The following ZNF233 variants were observed in gnomAD, a reference collection of about 807,000 sequenced individuals.
The protein encoded by ZNF233 is zinc finger protein 233.
In ZNF233, 7 loss-of-function variants were observed where a neutral mutation model predicts 11.6. The observed-to-expected ratio is 0.60, with a 90% confidence interval of 0.34 to 1.13. The LOEUF (loss-of-function observed/expected upper bound fraction) is 1.13. ZNF233 is among the 50% of genes most tolerant of loss of function. ZNF233 has a pLI of 0.03. For synonymous variants in ZNF233, 226 were observed against 268.5 expected (o/e 0.84, Z 1.55); for missense variants, 711 against 785.5 (o/e 0.91, Z 1.13).
rs1209709694 is a variant in ZNF233 at position 44,259,887 on chromosome 19, T to G, written c.-99T>G. Reference sequence around the variant, plus strand: ...TAGTGCAGAAGCCGTTGCAACCTTGTGTACTTCCGCTGCAGGAGGGCGAAG... The same window carrying G: ...TAGTGCAGAAGCCGTTGCAACCTTGGGTACTTCCGCTGCAGGAGGGCGAAG... On this transcript the variant is annotated 5_prime_UTR_variant, in exon 1 of 5. Coordinates refer to ENST00000683810, the MANE Select transcript of ZNF233 (RefSeq NM_001207005.2). 6.6e-6 allele frequency: 3 copies of G among 456,110 alleles called. No individual in the cohort carries two copies. Among genetic ancestry groups the G allele is most frequent in the Admixed American group, 4.7e-5 (2 of 42,516 alleles). The allele number at this position is 456,110 out of a possible 1,614,324, so 28.3% of individuals were successfully genotyped here.
intron 4 of ZNF233, 89 bp from the exon 5 acceptor site, chr19:44,272,810 A>G (rs1447923429): frequency 2.2e-6 from 2 of 899,978 alleles, no homozygotes; most frequent in Admixed American, 5.0e-5. Flanking sequence ...AGGTTTCCCA[A>G]TGTGGTCAAC....
In ZNF233 at chr19:44,266,946, G is replaced by A. The variant is rs770760580; in HGVS notation, c.223G>A (p.Gly75Arg). ...KLRMMETEIQGDGCSGHKNQN... is the reference protein window; with the variant it reads ...KLRMMETEIQRDGCSGHKNQN... ...TCGGATGATGGAGACAGAAATCCAAGGAGATGGGTGTTCAGGTGAGAACCA... is the reference window on the plus strand; with the variant it reads ...TCGGATGATGGAGACAGAAATCCAAAGAGATGGGTGTTCAGGTGAGAACCA... The change falls in exon 4 of 5, where the codon GGA becomes AGA. Residue 75 changes from glycine to arginine, a missense_variant. Gly to Arg is a moderately radical substitution (Grantham distance 125). Transcript: ENST00000683810. 8.7e-6 allele frequency: 14 copies of A among 1,613,626 alleles called. No homozygotes were observed. Among genetic ancestry groups the A allele is most frequent in the Middle Eastern group, 1.6e-4 (1 of 6,084 alleles).
At chr19:44,270,361 A>G (rs1975205225) in intron 4 of ZNF233, among the ~76,000 whole-genome samples, 2 of 150,718 alleles carry the variant, frequency 1.3e-5, no homozygotes, top group Admixed American at 1.3e-4. Context: ...AAAAAAAAAA[A>G]AAAAAAAAAA....
intron 4 of ZNF233, among the ~76,000 whole-genome samples, chr19:44,271,762 G>A (rs549068104): frequency 6.6e-6 from 1 of 151,780 alleles, no homozygotes; most frequent in African/African-American, 2.4e-5. Context: ...CACCTGCCTC[G>A]GCCTTCCAAA....
chr19:44,273,577 G>T lies in ZNF233; in HGVS notation c.917G>T (p.Cys306Phe), dbSNP rs904927670. 6.2e-7 allele frequency: 1 copy of T among 1,614,198 alleles called. No homozygotes were observed. Among genetic ancestry groups the T allele is most frequent in the African/African-American group, 1.3e-5 (1 of 75,046 alleles). ...AGCTCAGGGCTTCCCAGGCATCAGT[G>T]TTTCCACATAGGAGAGAAATGCTAT... ...GYSSGLPRHQ[C>F]FHIGEKCYRN... Residue 306 changes from cysteine (C) to phenylalanine (F), a missense_variant, in exon 5 of 5, where the codon TGT becomes TTT. By Grantham distance (205) the Cys-to-Phe change is radical. Coordinates refer to ENST00000683810, the MANE Select transcript of ZNF233 (RefSeq NM_001207005.2).
At chr19:44,270,145 G>A (rs1975198011) in intron 4 of ZNF233, among the ~76,000 whole-genome samples, 1 of 152,044 alleles carries the variant, frequency 6.6e-6, no homozygotes, top group South Asian at 2.1e-4. Context: ...CTGATGTTAT[G>A]TTCAGCCTAC....
In ZNF233 at chr19:44,274,017, A is replaced by T. The variant is rs1415484479; in HGVS notation, c.1357A>T (p.Lys453Ter). The change falls in exon 5 of 5, where the codon AAA becomes TAA. Residue 453 changes from lysine (K) to a stop codon, truncating the protein, a stop_gained. Coordinates refer to ENST00000683810, the MANE Select transcript of ZNF233 (RefSeq NM_001207005.2). LOFTEE classifies it low-confidence loss of function (END_TRUNC). ...AGTTCACACTGGAGAGAAACCATAT[A>T]AATGTGAGGTATGTGATAAGGGCTT... ...QRVHTGEKPYKCEVCDKGFSK... is the reference protein window; with the variant it reads ...QRVHTGEKPY The T allele has an allele frequency of 2.5e-6, 4 of 1,597,776 alleles. No individual in the cohort carries two copies. Among genetic ancestry groups the T allele is most frequent in the Non-Finnish European group, 3.4e-6 (4 of 1,179,400 alleles).
intron 1 of ZNF233, 74 bp downstream of exon 1, chr19:44,260,012 C>G (rs915609311): frequency 2.4e-6 from 1 of 425,328 alleles, no homozygotes; most frequent in African/African-American, 2.1e-5. Context: ...GGTGCCTGCC[C>G]TCGCTCTCAG....
chr19:44,268,167 CA>C (rs1271493668), intron 4 of ZNF233: 1 of 152,034 alleles, frequency 6.6e-6, no homozygotes, highest in African/African-American at 2.4e-5. Flanking sequence ...TACATACATA[CA>C]TACATACATA....
rs1222444414 is a variant in ZNF233 at position 44,266,889 on chromosome 19, G to A, written c.166G>A (p.Val56Met). 2 of 1,613,906 alleles carry A rather than the reference G, an allele frequency of 1.2e-6. No individual in the cohort carries two copies. Among genetic ancestry groups the A allele is most frequent in the Non-Finnish European group, 1.7e-6 (2 of 1,179,864 alleles). The change falls in exon 4 of 5, where the codon GTG becomes ATG. Residue 56 changes from valine (V) to methionine (M), a missense_variant. Val to Met is a conservative substitution (Grantham distance 21). Coordinates refer to ENST00000683810, the MANE Select transcript of ZNF233 (RefSeq NM_001207005.2). ...AGGCTATCAACCCTTCAAACTAGAT[G>A]TGATATTACAGTTGGGAAAAGAAGA... The part of the protein sequence containing the change: ...SVGYQPFKLD[V>M]ILQLGKEDKL...
rs2123075193 is a variant in ZNF233, at chr19:44,275,003, TA to T, written c.*332del. On this transcript the variant is annotated 3_prime_UTR_variant, in exon 5 of 5. Transcript: ENST00000683810. Reference sequence around the variant, plus strand: ...TGCAGGAGTGAAGCCTTCAAAATGATAAGTAAGGTCAGAATTTAGCAAAAGT... The same window carrying T: ...TGCAGGAGTGAAGCCTTCAAAATGATAGTAAGGTCAGAATTTAGCAAAAGT... 7.3e-6 allele frequency: 3 copies of T among 409,612 alleles called. No homozygotes were observed. The South Asian group carries it at 3.1e-4, about 43-fold the overall frequency. The allele number at this position is 409,612 out of a possible 1,614,324, so 25.4% of individuals were successfully genotyped here.
Position 44,273,311 on chromosome 19 carries a change from A to C in ZNF233, c.651A>C (p.Arg217Ser). 6.2e-7 allele frequency: 1 copy of C among 1,614,156 alleles called. No individual in the cohort carries two copies. Among genetic ancestry groups the C allele is most frequent in the Non-Finnish European group, 8.5e-7 (1 of 1,180,022 alleles). Residue 217 changes from arginine to serine, a missense_variant, in exon 5 of 5, where the codon AGA becomes AGC. By Grantham distance (110) the Arg-to-Ser change is moderately radical (BLOSUM62 -1). Transcript: ENST00000683810. ...LCKCDHCVRQ[R>S]IAHQHDDHGV... ...AATGTGATCATTGTGTTAGGCAAAG[A>C]ATTGCTCATCAACATGATGATCATG... is the stretch of plus-strand genomic sequence containing the variant.
chr19:44,272,924 T>A lies in ZNF233; in HGVS notation c.264T>A (p.Asp88Glu). ...CSGHKNQNEIDTLQEVRLRFL... is the reference protein window; with the variant it reads ...CSGHKNQNEIETLQEVRLRFL... ...GACACAAGAATCAAAATGAGATAGATACCCTTCAAGAAGTAAGATTAAGAT... is the reference window on the plus strand; with the variant it reads ...GACACAAGAATCAAAATGAGATAGAAACCCTTCAAGAAGTAAGATTAAGAT... The change falls in exon 5 of 5, where the codon GAT (aspartate) becomes GAA (glutamate). Residue 88 changes from aspartate (D) to glutamate (E), a missense_variant. By Grantham distance (45) the Asp-to-Glu change is conservative. Transcript: ENST00000683810. 6.3e-7 allele frequency: 1 copy of A among 1,595,372 alleles called. No individual in the cohort carries two copies. The highest frequency in any genetic ancestry group is 8.5e-7 in the Non-Finnish European group (1 of 1,174,078).
chr19:44,261,164 G>A (rs576232720), intron 1 of ZNF233, among the ~76,000 whole-genome samples: 1 of 152,272 alleles, frequency 6.6e-6, no homozygotes, highest in South Asian at 2.1e-4. Context: ...GTCCCATGGG[G>A]GTGCAGTGAC....
chr19:44,269,750 C>T (rs959010646), intron 4 of ZNF233, among the ~76,000 whole-genome samples: 2 of 152,004 alleles, frequency 1.3e-5, no homozygotes, highest in African/African-American at 4.8e-5. Flanking sequence ...TACATGTGCA[C>T]ACCTTAAGTG....
At chr19:44,272,294 A>G (rs896069621) in intron 4 of ZNF233, among the ~76,000 whole-genome samples, 1 of 148,790 alleles carries the variant, frequency 6.7e-6, no homozygotes, top group Non-Finnish European at 1.5e-5. Context: ...AATCCTGGCT[A>G]TATGTGAGCC....
intron 4 of ZNF233, among the ~76,000 whole-genome samples, chr19:44,268,593 T>G (rs1975155908): frequency 6.6e-6 from 1 of 152,182 alleles, no homozygotes; most frequent in Non-Finnish European, 1.5e-5. Flanking sequence ...AATGAATGGG[T>G]TAATGGACCG....
At chr19:44,261,915 G>A (rs1257115617) in intron 1 of ZNF233, among the ~76,000 whole-genome samples, 1 of 152,142 alleles carries the variant, frequency 6.6e-6, no homozygotes, top group Non-Finnish European at 1.5e-5. Flanking sequence ...ACCTCCTAAA[G>A]TGCTGGGATT....
Position 44,274,111 on chromosome 19 carries a change from T to G in ZNF233, c.1451T>G (p.Val484Gly). Residue 484 changes from valine (V) to glycine (G), a missense_variant, in exon 5 of 5, where the codon GTG becomes GGG. By Grantham distance (109) the Val-to-Gly change is moderately radical. Transcript: ENST00000683810. ...GGAGAGAAACCCTACAAATGTGATG[T>G]GTGTGATAAGAACTTCAGCCGTAAT... ...HTGEKPYKCD[V>G]CDKNFSRNSH... The G allele has an allele frequency of 6.2e-7, 1 of 1,613,216 alleles. No individual in the cohort carries two copies. Among genetic ancestry groups the G allele is most frequent in the Non-Finnish European group, 8.5e-7 (1 of 1,179,764 alleles).
Sources: gnomAD v4.1 joint callset for allele counts (sites outside exome capture counted in the v4.1 genomes callset) on GRCh38, gnomAD v4.1.1 for gene constraint, MANE v1.5 for transcripts, NCBI Gene and HGNC (gene_info 2026-07-23, HGNC 2026-07-21) for gene names.